The following ATRNL1 variants were observed in gnomAD, a reference collection of about 807,000 sequenced individuals.
The protein encoded by ATRNL1 is attractin-like protein 1.
Under a neutral mutation model 182.7 loss-of-function variants are expected in ATRNL1, and 95 were observed. The ratio of observed to expected loss-of-function variants is 0.52; its 90% CI spans 0.44 to 0.62. The LOEUF is 0.62. Among genes scored for constraint, ATRNL1 ranks in the 20% least tolerant of loss-of-function variants. The pLI, the probability that ATRNL1 is intolerant of heterozygous loss-of-function variation, is 0.00. For synonymous variants in ATRNL1, 576 were observed against 568.3 expected (o/e 1.01, Z -0.19); for missense variants, 1,471 against 1,679.5 (o/e 0.88, Z 2.17).
At chr10:115,230,629 A>C (rs1849883908) in intron 9 of ATRNL1, among the ~76,000 whole-genome samples, 1 of 152,156 alleles carries the variant, frequency 6.6e-6, no homozygotes, top group Non-Finnish European at 1.5e-5. Context: ...TATGTGACTT[A>C]TCTGACATAT....
chr10:115,330,238 A>T (rs1287518000), intron 18 of ATRNL1, among the ~76,000 whole-genome samples: 1 of 152,054 alleles, frequency 6.6e-6, no homozygotes, highest in Non-Finnish European at 1.5e-5. Flanking sequence ...CCCTTAACCA[A>T]ATCATTTTAG....
intron 28 of ATRNL1, among the ~76,000 whole-genome samples, chr10:115,887,455 C>T (rs927613070): frequency 2.0e-5 from 3 of 152,182 alleles, no homozygotes; most frequent in Non-Finnish European, 4.4e-5. Flanking sequence ...TGTAACAACA[C>T]ACAGTAGAAG....
chr10:115,470,417 T>G (rs574342668), intron 24 of ATRNL1, among the ~76,000 whole-genome samples: 210 of 150,648 alleles, frequency 1.4e-3, no homozygotes, highest in Middle Eastern at 0.011. Flanking sequence ...AATATTTGTT[T>G]TTAAAATTTT....
At chr10:115,927,256 C>T (rs531249865) in intron 28 of ATRNL1, among the ~76,000 whole-genome samples, 195 of 152,210 alleles carry the variant, frequency 1.3e-3, no homozygotes, top group African/African-American at 4.6e-3. Flanking sequence ...TGGAACATAT[C>T]TCAAAATCAT....
chr10:115,318,777 CTTT>C (rs1327720503), intron 18 of ATRNL1, among the ~76,000 whole-genome samples: 1 of 151,830 alleles, frequency 6.6e-6, no homozygotes, highest in African/African-American at 2.4e-5. Context: ...TATGATTCTT[CTTT>C]ATTTTCTTCT....
intron 26 of ATRNL1, among the ~76,000 whole-genome samples, chr10:115,676,479 C>G (rs79670229): frequency 0.018 from 2,701 of 151,840 alleles, 82 homozygotes; most frequent in African/African-American, 0.062. Context: ...CTTCACTTTC[C>G]AAATGAGAAA....
chr10:115,648,397 T>C (rs1440458120), intron 26 of ATRNL1, among the ~76,000 whole-genome samples: 1 of 152,138 alleles, frequency 6.6e-6, no homozygotes, highest in Non-Finnish European at 1.5e-5. Flanking sequence ...ATTTATAGAT[T>C]CAGTGCCATC....
intron 10 of ATRNL1, among the ~76,000 whole-genome samples, chr10:115,260,526 C>T (rs1554908519): frequency 6.6e-6 from 1 of 152,108 alleles, no homozygotes; most frequent in Non-Finnish European, 1.5e-5. Context: ...CTGGTGGTGC[C>T]TCACTCTTAA....
intron 24 of ATRNL1, among the ~76,000 whole-genome samples, chr10:115,516,566 AT>A (rs1274639310): frequency 6.6e-6 from 1 of 151,876 alleles, no homozygotes; most frequent in Non-Finnish European, 1.5e-5. Flanking sequence ...TGTCATTCCC[AT>A]AGCTCAAAAC....
At chr10:115,253,597 A>AT (rs1219493864) in intron 10 of ATRNL1, among the ~76,000 whole-genome samples, 35 of 152,088 alleles carry the variant, frequency 2.3e-4, no homozygotes, top group Non-Finnish European at 3.7e-4. Context: ...GGCAGGGCAG[A>AT]TTTTTTTTAT....
At chr10:115,926,524 A>G (rs1953238840) in intron 28 of ATRNL1, among the ~76,000 whole-genome samples, 1 of 152,134 alleles carries the variant, frequency 6.6e-6, no homozygotes, top group Non-Finnish European at 1.5e-5. Context: ...CTAAACCAAT[A>G]AACAAGAAAA....
chr10:115,457,296 A>T (rs907418442), intron 21 of ATRNL1, among the ~76,000 whole-genome samples: 1 of 151,984 alleles, frequency 6.6e-6, no homozygotes, highest in African/African-American at 2.4e-5. Context: ...ATTGGTCCAT[A>T]GGTGGTCTTG....
intron 28 of ATRNL1, among the ~76,000 whole-genome samples, chr10:115,851,039 T>C (rs1555100357): frequency 6.6e-6 from 1 of 152,228 alleles, no homozygotes. Flanking sequence ...AAGAGTCTTC[T>C]TATAGATTAA....
chr10:115,640,635 G>T (rs1555029975), intron 26 of ATRNL1, among the ~76,000 whole-genome samples: 1 of 152,066 alleles, frequency 6.6e-6, no homozygotes, highest in African/African-American at 2.4e-5. Context: ...TATTTTTCTT[G>T]TAAATTTGTT....
chr10:115,093,462 C>T lies in ATRNL1; in HGVS notation c.-289C>T, dbSNP rs1169987566. On this transcript the variant is annotated 5_prime_UTR_variant, in exon 1 of 29. Coordinates refer to ENST00000355044, the MANE Select transcript of ATRNL1 (RefSeq NM_207303.4). This position sits in a 1 kb window ranked among gnomAD's most constrained non-coding sequence, Gnocchi z 6.1. ...GAGCGCCGGGCGCAGTCTGCGCCTC[C>T]CGCTCCCCGCCTCCGGCCGGGTCCG... 2 of 564,230 alleles carry T rather than the reference C, an allele frequency of 3.5e-6. No individual in the cohort carries two copies. The highest frequency in any genetic ancestry group is 6.4e-6 in the Non-Finnish European group (2 of 310,272). 35.0% of individuals were successfully genotyped at this position (564,230 alleles called of 1,614,324 possible).
intron 8 of ATRNL1, among the ~76,000 whole-genome samples, chr10:115,202,575 A>T (rs1173399934): frequency 6.6e-6 from 1 of 151,802 alleles, no homozygotes; most frequent in Admixed American, 6.6e-5. Context: ...CATCCCAGGG[A>T]TGAAGCCCAC....
intron 26 of ATRNL1, among the ~76,000 whole-genome samples, chr10:115,572,854 G>T (rs1854481313): frequency 6.6e-6 from 1 of 152,126 alleles, no homozygotes; most frequent in African/African-American, 2.4e-5. Flanking sequence ...TTGGGGTGTG[G>T]CTTGCCTGTT....
At chr10:115,374,456 C>CCTTT (rs1331589708) in intron 19 of ATRNL1, among the ~76,000 whole-genome samples, 41 of 84,630 alleles carry the variant, frequency 4.8e-4, no homozygotes, top group African/African-American at 1.3e-3. Flanking sequence ...TCCTTCCTTT[C>CCTTT]CTTCCTTCCT....
At chr10:115,397,521 CAATGTA>C (rs1554955931) in intron 20 of ATRNL1, among the ~76,000 whole-genome samples, 2 of 151,714 alleles carry the variant, frequency 1.3e-5, no homozygotes, top group Non-Finnish European at 2.9e-5. Flanking sequence ...AACAATACCA[CAATGTA>C]AGTGTTCAAT....
Sources: gnomAD v4.1 joint callset for allele counts (sites outside exome capture counted in the v4.1 genomes callset) on GRCh38, gnomAD v4.1.1 for gene constraint, Gnocchi (gnomAD v3.1) non-coding constraint, MANE v1.5 for transcripts, NCBI Gene and HGNC (gene_info 2026-07-23, HGNC 2026-07-21) for gene names.